PDE1A: variants seen among roughly 807,000 people sequenced by gnomAD.
PDE1A encodes dual specificity calcium/calmodulin-dependent 3',5'-cyclic nucleotide phosphodiesterase 1A.
Under a neutral mutation model 61.7 loss-of-function variants are expected in PDE1A, and 35 were observed. The ratio of observed to expected loss-of-function variants is 0.57; its 90% CI spans 0.43 to 0.75. The LOEUF is 0.75. Ranked by LOEUF, PDE1A falls within the 30% of genes least tolerant of loss-of-function variation. The pLI, the probability that PDE1A is intolerant of heterozygous loss-of-function variation, is 0.00. For missense variants in PDE1A, 597 were observed against 630.6 expected, an observed-to-expected ratio of 0.95 and a Z score of 0.57; for synonymous variants, 232 against 213.2, an observed-to-expected ratio of 1.09 and a Z score of -0.77.
chr2:182,223,394 C>T (rs1688889997), intron 7 of PDE1A, among the ~76,000 whole-genome samples: 1 of 151,974 alleles, frequency 6.6e-6, no homozygotes, highest in African/African-American at 2.4e-5. Flanking sequence ...CCATTGTAAC[C>T]ATCATCAAAT....
chr2:182,465,648 T>A (rs1046819412), intron 2 of PDE1A, among the ~76,000 whole-genome samples: 3 of 152,106 alleles, frequency 2.0e-5, no homozygotes, highest in Non-Finnish European at 4.4e-5. Context: ...TTTGATGCAG[T>A]TTAAAGCAAT....
chr2:182,485,193 A>C lies in PDE1A; in HGVS notation c.101+37083T>G, dbSNP rs565576264. Among the ~76,000 whole-genome samples, 3 of 152,236 alleles carry C rather than the reference A, an allele frequency of 2.0e-5. No homozygotes were observed. The South Asian group carries it at 6.2e-4, about 32-fold the overall frequency. On this transcript the variant is annotated intron_variant, in intron 2 of 14. Coordinates refer to the PDE1A transcript ENST00000410103. ...TGGCATACTATGCAGCCATAAAAAG[A>C]ATGAGATCATGTCTTTTGCAGGAAC...
chr2:182,167,936 A>G (rs545028307), exon 14 of PDE1A: 1 of 1,137,968 alleles, frequency 8.8e-7, no homozygotes, highest in East Asian at 4.5e-5. Flanking sequence ...ATTAGCAATT[A>G]GCTGCTCAAA....
chr2:182,157,610 C>T (rs891780037), intron 13 of PDE1A, among the ~76,000 whole-genome samples: 3 of 152,020 alleles, frequency 2.0e-5, no homozygotes, highest in African/African-American at 4.8e-5. Context: ...TTTTTCTCTT[C>T]GTTTTTTTCG....
rs867011911 is a variant in PDE1A at position 182,246,406 on chromosome 2, T to C, written c.168-6114A>G. Among the ~76,000 whole-genome samples the C allele has an allele frequency of 3.2e-3, 49 of 15,224 alleles. 1 individual carries two copies. The highest frequency in any genetic ancestry group is 0.016 in the African/African-American group (43 of 2,612). 10.0% of individuals were successfully genotyped at this position (15,224 alleles called of 152,430 possible). On this transcript the variant is annotated intron_variant, in intron 2 of 13. Transcript: ENST00000351439. ...TATAGTCTTTTTTCTTTTTTCTTTC[T>C]TTTTTTTTTTTTTTTTTGACAGAGT...
chr2:182,290,737 G>C (rs935085147), intron 1 of PDE1A, among the ~76,000 whole-genome samples: 6 of 151,736 alleles, frequency 4.0e-5, no homozygotes, highest in Non-Finnish European at 8.8e-5. Flanking sequence ...GTTGTCGAGG[G>C]TTCTATTGTT....
chr2:182,326,161 C>A (rs1207808205), intron 1 of PDE1A, among the ~76,000 whole-genome samples: 3 of 152,040 alleles, frequency 2.0e-5, no homozygotes. Context: ...AGCAAAGATG[C>A]AGAGAAATTG....
intron 2 of PDE1A, among the ~76,000 whole-genome samples, chr2:182,511,033 G>A (rs758678497): frequency 1.3e-5 from 2 of 152,078 alleles, no homozygotes; most frequent in Non-Finnish European, 2.9e-5. Context: ...CAATAATAAT[G>A]ACTGACAAAA....
At chr2:182,465,201 T>C (rs1686574920) in intron 2 of PDE1A, among the ~76,000 whole-genome samples, 1 of 152,116 alleles carries the variant, frequency 6.6e-6, no homozygotes, top group African/African-American at 2.4e-5. Flanking sequence ...AATTTTGAAC[T>C]ACCAAATATT....
chr2:182,603,231 G>A, the PDE1A span, among the ~76,000 whole-genome samples: 9 of 147,214 alleles, frequency 6.1e-5, no homozygotes, highest in Non-Finnish European at 1.0e-4. Context: ...TAATTGTTTA[G>A]GAAAATATCA....
the PDE1A span, among the ~76,000 whole-genome samples, chr2:182,554,722 T>C: frequency 5.9e-5 from 9 of 152,224 alleles, no homozygotes; most frequent in African/African-American, 2.2e-4. Context: ...AATGTTATCA[T>C]TATTTTTAGT....
the PDE1A span, among the ~76,000 whole-genome samples, chr2:182,554,062 T>G: frequency 1.3e-5 from 2 of 152,042 alleles, no homozygotes; most frequent in Admixed American, 6.5e-5. Flanking sequence ...TAGTGGAGAG[T>G]TGATTACAAG....
chr2:182,309,551 A>G (rs1227112088), intron 1 of PDE1A, among the ~76,000 whole-genome samples: 1 of 152,124 alleles, frequency 6.6e-6, no homozygotes, highest in Admixed American at 6.6e-5. Flanking sequence ...ACCTTCTAAG[A>G]GTATAAAGCA....
chr2:182,500,536 T>A (rs1466372869), intron 2 of PDE1A, among the ~76,000 whole-genome samples: 1 of 152,152 alleles, frequency 6.6e-6, no homozygotes, highest in African/African-American at 2.4e-5. Flanking sequence ...GATGGGAACA[T>A]CTCACTAAGG....
chr2:182,452,455 T>G (rs1480757650), intron 2 of PDE1A, among the ~76,000 whole-genome samples: 1 of 152,172 alleles, frequency 6.6e-6, no homozygotes, highest in Non-Finnish European at 1.5e-5. Context: ...TAACAAAGAT[T>G]AAATTCCTGT....
At chr2:182,238,271 A>AAAAAAAAAAAAAAG (rs1690215053) in intron 3 of PDE1A, among the ~76,000 whole-genome samples, 1 of 150,634 alleles carries the variant, frequency 6.6e-6, no homozygotes, top group African/African-American at 2.4e-5. Context: ...TACGTCAAAA[A>AAAAAAAAAAAAAAG]AAAAAAAAAA....
chr2:182,713,497 G>A, the PDE1A span, among the ~76,000 whole-genome samples: 1 of 152,144 alleles, frequency 6.6e-6, no homozygotes, highest in Non-Finnish European at 1.5e-5. Context: ...TAGGTGTGGT[G>A]GCATGTGCCT....
At chr2:182,606,261 C>A in the PDE1A span, among the ~76,000 whole-genome samples, 1 of 152,216 alleles carries the variant, frequency 6.6e-6, no homozygotes, top group African/African-American at 2.4e-5. Flanking sequence ...TCACTGCGAC[C>A]TCCACCTCCC....
chr2:182,289,289 G>C (rs992367158), intron 1 of PDE1A, among the ~76,000 whole-genome samples: 5 of 149,166 alleles, frequency 3.4e-5, no homozygotes, highest in African/African-American at 7.3e-5. Flanking sequence ...CTAAAGTTTT[G>C]TTTATTTAAA....
Sources: gnomAD v4.1 joint callset for allele counts (sites outside exome capture counted in the v4.1 genomes callset) on GRCh38, gnomAD v4.1.1 for gene constraint, MANE v1.5 for transcripts, NCBI Gene and HGNC (gene_info 2026-07-23, HGNC 2026-07-21) for gene names.